The following PTOV1 variants were observed in gnomAD, a reference collection of about 807,000 sequenced individuals.
PTOV1 encodes the protein prostate tumor-overexpressed gene 1 protein.
In PTOV1, 20 loss-of-function variants were observed where a neutral mutation model predicts 58.0. That is an observed-to-expected ratio of 0.34 (90% CI 0.24 to 0.50). The LOEUF (loss-of-function observed/expected upper bound fraction) is 0.50, where lower values mean the gene tolerates loss of function less well. Among genes scored for constraint, PTOV1 ranks in the 20% least tolerant of loss-of-function variants. The probability of loss-of-function intolerance (pLI) is 0.98; values close to 1 mark genes in which losing one functional copy is unlikely to be tolerated. For synonymous variants in PTOV1, 335 were observed against 234.2 expected (o/e 1.43, Z -3.93); for missense variants, 593 against 565.4 (o/e 1.05, Z -0.50).
exon 11 of PTOV1, chr19:49,860,179 G>A (rs763356063): frequency 1.9e-6 from 3 of 1,614,086 alleles, no homozygotes; most frequent in Admixed American, 3.3e-5. Context: ...CAACAGCAAC[G>A]AGGGGTGAGG....
In PTOV1 at chr19:49,851,448, C is replaced by A. The variant is rs776059497; in HGVS notation, c.120C>A (p.Ser40Arg). 1 of 1,220,194 alleles carries A rather than the reference C, an allele frequency of 8.2e-7. No individual in the cohort carries two copies. The highest frequency in any genetic ancestry group is 4.3e-5 in the Admixed American group (1 of 23,260). The allele number at this position is 1,220,194 out of a possible 1,614,324, so 75.6% of individuals were successfully genotyped here. The change falls in exon 1 of 12, where the codon AGC (serine) becomes AGA (arginine). Residue 40 changes from serine (S) to arginine (R), a missense_variant. Physicochemically the swap from Ser to Arg is moderately radical, Grantham distance 110 (BLOSUM62 -1). Coordinates refer to ENST00000391842, the Ensembl canonical transcript of PTOV1. ...TCCGCTCGCGCTCCTGGCCTGCCAG[C>A]CCCCGAGGCCCGCAGCCTCCGCGGA...
exon 3 of PTOV1, chr19:49,854,734 T>C (rs1433252756): frequency 6.2e-7 from 1 of 1,613,272 alleles, no homozygotes; most frequent in East Asian, 2.2e-5. Context: ...GGCGAGAACC[T>C]GTGAGTGCCG....
At chr19:49,858,940 C>T (rs528889680) in intron 10 of PTOV1, 2 of 327,928 alleles carry the variant, frequency 6.1e-6, no homozygotes, top group South Asian at 8.0e-5. Flanking sequence ...GCCCTTGTCA[C>T]TCCTGGTTTC....
intron 1 of PTOV1, chr19:49,852,383 C>G (rs183438901): frequency 6.6e-6 from 1 of 152,434 alleles, no homozygotes; most frequent in East Asian, 1.9e-4. Context: ...TGCCTTCGCC[C>G]CTTCCTGCAG....
rs2074567465 is a variant in PTOV1, at chr19:49,858,192, C to T, written c.936+78C>T. ...GGCGGGGCTGGGGGCAAGAGCGCCT[C>T]CCCAGGTGGCCTGAGCTGGCTGTGA... is the stretch of plus-strand genomic sequence containing the variant. On this transcript the variant is annotated intron_variant, in intron 9 of 11. Coordinates refer to ENST00000391842, the Ensembl canonical transcript of PTOV1. 9 of 1,517,908 alleles carry T rather than the reference C, an allele frequency of 5.9e-6. No homozygotes were observed. In the East Asian group the frequency reaches 1.9e-4, roughly 32 times the overall value. The allele number at this position is 1,517,908 out of a possible 1,614,324, so 94.0% of individuals were successfully genotyped here.
chr19:49,857,143 A>G lies in PTOV1; in HGVS notation c.714+13A>G. ...CACCCGCAAGCAGGTGTGCCAGCCA[A>G]GCACAGCCCCTCTGGGGACAGAGGG... is the stretch of plus-strand genomic sequence containing the variant. On this transcript the variant is annotated intron_variant, in intron 6 of 11. Coordinates refer to ENST00000391842, the Ensembl canonical transcript of PTOV1. The G allele has an allele frequency of 6.2e-7, 1 of 1,613,932 alleles. No homozygotes were observed. The highest frequency in any genetic ancestry group is 8.5e-7 in the Non-Finnish European group (1 of 1,179,942).
chr19:49,858,733 A>G, intron 10 of PTOV1, 80 bp downstream of exon 10: 1 of 1,181,124 alleles, frequency 8.5e-7, no homozygotes, highest in Non-Finnish European at 1.2e-6. Context: ...CGGACATGGG[A>G]GAGGAACAGA....
At chr19:49,858,470 C>T (rs1600394286) in intron 9 of PTOV1, 79 bp from the exon 10 acceptor site, 3 of 1,197,572 alleles carry the variant, frequency 2.5e-6, no homozygotes, top group East Asian at 2.6e-5. Context: ...GGTCCTGGGC[C>T]CGGGGGACTC....
At chr19:49,851,896 G>C (rs2074267280) in intron 1 of PTOV1, 1 of 985,364 alleles carries the variant, frequency 1.0e-6, no homozygotes, top group Admixed American at 6.2e-5. Flanking sequence ...CGAGGGAGGG[G>C]CCCGCGCTTT....
At chr19:49,853,967 G>A (rs977298157) in intron 1 of PTOV1, among the ~76,000 whole-genome samples, 30 of 152,262 alleles carry the variant, frequency 2.0e-4, no homozygotes, top group African/African-American at 6.8e-4. Flanking sequence ...GACAGGGCAA[G>A]CTGGTGTGTG....
intron 5 of PTOV1, 31 bp from the exon 6 acceptor site, chr19:49,856,944 A>T: frequency 6.2e-7 from 1 of 1,610,168 alleles, no homozygotes; most frequent in Non-Finnish European, 8.5e-7. Context: ...CCGGGCAGTG[A>T]CCACAGGGTC....
chr19:49,860,655 C>A, exon 12 of PTOV1: 1 of 418,948 alleles, frequency 2.4e-6, no homozygotes, highest in Non-Finnish European at 4.3e-6. Context: ...ACTTCAACTG[C>A]CCAGCAACAT....
chr19:49,851,867 C>CAGGAAACCTGGAAATGGGGGCGG, intron 1 of PTOV1: 1 of 700,868 alleles, frequency 1.4e-6, no homozygotes, highest in Non-Finnish European at 1.8e-6. Flanking sequence ...GAAATGGGGG[C>CAGGAAACCTGGAAATGGGGGCGG]GGTTTTGGGG....
exon 1 of PTOV1, chr19:49,851,367 C>G (rs2074237759): frequency 8.9e-7 from 1 of 1,126,350 alleles, no homozygotes; most frequent in Middle Eastern, 3.7e-4. Flanking sequence ...GCTCCGGCGC[C>G]GGGGGCCCCC....
intron 5 of PTOV1, chr19:49,855,552 G>A (rs904767601): frequency 4.7e-5 from 9 of 190,988 alleles, no homozygotes; most frequent in Admixed American, 1.1e-4. Flanking sequence ...AAGCAGGCGC[G>A]GTGAGTAGGT....
chr19:49,859,856 T>TG (rs1232099994), intron 10 of PTOV1, 130 bp from the exon 11 acceptor site: 14 of 952,796 alleles, frequency 1.5e-5, no homozygotes, highest in African/African-American at 1.1e-4. Flanking sequence ...ACCTCCAGGG[T>TG]GGGTGGGGGG....
At chr19:49,858,354 G>T in intron 9 of PTOV1, 195 bp from the exon 10 acceptor site, 2 of 680,192 alleles carry the variant, frequency 2.9e-6, no homozygotes, top group Non-Finnish European at 4.9e-6. Flanking sequence ...CACCTGGGGG[G>T]CTGCCAAGGG....
rs200911767 is a variant in PTOV1, at chr19:49,854,588, G to A, written c.309+45G>A. ...CGGCTGGCCTCCAGGGTCTTGTCTT[G>A]TCCCTGCGGGGACAGGCCAGGGCAT... On this transcript the variant is annotated intron_variant, in intron 2 of 11. Transcript: ENST00000391842. 1,997 of 1,612,830 alleles carry A rather than the reference G, an allele frequency of 1.2e-3. 4 individuals are homozygous for A. Among genetic ancestry groups the A allele is most frequent in the Middle Eastern group, 3.1e-3 (19 of 6,060 alleles).
At chr19:49,853,380 G>A (rs1343424027) in intron 1 of PTOV1, among the ~76,000 whole-genome samples, 2 of 152,022 alleles carry the variant, frequency 1.3e-5, no homozygotes, top group Admixed American at 1.3e-4. Context: ...GTGAGGTCAG[G>A]CTTGGTGGCC....
Sources: allele counts gnomAD v4.1 joint callset (sites outside exome capture counted in the v4.1 genomes callset), GRCh38; gene constraint gnomAD v4.1.1; transcripts MANE v1.5; gene names NCBI Gene and HGNC (gene_info 2026-07-23, HGNC 2026-07-21).